The following SAMD12 variants were observed in gnomAD, a reference collection of about 807,000 sequenced individuals.
SAMD12 encodes sterile alpha motif domain containing 12.
SAMD12 carries 9 observed loss-of-function variants against 15.0 expected under a neutral mutation model. That is an observed-to-expected ratio of 0.60 (90% CI 0.36 to 1.05). The LOEUF (loss-of-function observed/expected upper bound fraction) is 1.05, where lower values mean the gene tolerates loss of function less well. Ranked by LOEUF, SAMD12 falls within the 50% of genes least tolerant of loss-of-function variation. SAMD12 has a pLI of 0.01. For missense variants in SAMD12, 230 were observed against 234.2 expected, an observed-to-expected ratio of 0.98 and a Z score of 0.12; for synonymous variants, 86 against 90.1, an observed-to-expected ratio of 0.96 and a Z score of 0.25.
chr8:118,261,034 G>C (rs1047611230), intron 4 of SAMD12, among the ~76,000 whole-genome samples: 1 of 152,072 alleles, frequency 6.6e-6, no homozygotes, highest in Non-Finnish European at 1.5e-5. Flanking sequence ...CTGGCCCAGG[G>C]AAGATGCTCA....
chr8:118,354,305 G>T (rs529388067), intron 4 of SAMD12, among the ~76,000 whole-genome samples: 1 of 152,298 alleles, frequency 6.6e-6, no homozygotes, highest in East Asian at 1.9e-4. Context: ...GTAAAGTAGA[G>T]GAATGGTCTA....
chr8:118,139,342 T>G, the SAMD12 span, among the ~76,000 whole-genome samples: 1 of 152,160 alleles, frequency 6.6e-6, no homozygotes, highest in Admixed American at 6.5e-5. Flanking sequence ...ACAATAAGTT[T>G]CTATTCTTTA....
At chr8:118,376,300 G>A (rs1423620078), downstream of SAMD12, among the ~76,000 whole-genome samples, 1 of 152,094 alleles carries the variant, frequency 6.6e-6, no homozygotes, top group Non-Finnish European at 1.5e-5. Context: ...CAAAATTTAT[G>A]TATTGAAATC....
downstream of SAMD12, among the ~76,000 whole-genome samples, chr8:118,187,445 G>T (rs1819260667): frequency 6.6e-6 from 1 of 152,078 alleles, no homozygotes; most frequent in Non-Finnish European, 1.5e-5. Flanking sequence ...AGATCAATAG[G>T]AAACTAAAAT....
At chr8:118,256,056 GT>G (rs1812932685) in intron 4 of SAMD12, among the ~76,000 whole-genome samples, 1 of 152,182 alleles carries the variant, frequency 6.6e-6, no homozygotes, top group African/African-American at 2.4e-5. Context: ...TCTAACTGGT[GT>G]GAGATGGTAT....
chr8:118,620,095 G>A (rs934412723), intron 1 of SAMD12, among the ~76,000 whole-genome samples: 4 of 152,162 alleles, frequency 2.6e-5, no homozygotes, highest in Admixed American at 6.5e-5. Flanking sequence ...TTTTTGTAAA[G>A]TCTGGCTTCA....
At chr8:118,373,028 T>C (rs76078619), downstream of SAMD12, among the ~76,000 whole-genome samples, 61 of 152,182 alleles carry the variant, frequency 4.0e-4, 1 homozygote, top group East Asian at 0.011. Context: ...CAAGGAGCAT[T>C]GGGAGAGTAT....
chr8:118,472,886 G>GAA (rs35896929), intron 2 of SAMD12, among the ~76,000 whole-genome samples: 9,380 of 147,150 alleles, frequency 0.064, 849 homozygotes, highest in African/African-American at 0.2. Flanking sequence ...ATTTTGACAG[G>GAA]AAAAAAAAAA....
chr8:118,547,468 C>T (rs911459517), intron 2 of SAMD12, among the ~76,000 whole-genome samples: 1 of 152,186 alleles, frequency 6.6e-6, no homozygotes, highest in African/African-American at 2.4e-5. Context: ...ACTTCCCTTG[C>T]CCCACTAGAC....
At chr8:118,537,805 G>C (rs1398857060) in intron 2 of SAMD12, among the ~76,000 whole-genome samples, 1 of 152,108 alleles carries the variant, frequency 6.6e-6, no homozygotes, top group Non-Finnish European at 1.5e-5. Flanking sequence ...TTGGTCCCTG[G>C]TTCCTTACTT....
intron 4 of SAMD12, among the ~76,000 whole-genome samples, chr8:118,324,260 G>C (rs955714546): frequency 6.6e-6 from 1 of 152,100 alleles, no homozygotes. Context: ...ATTTTGCCAA[G>C]GGGTTCCATT....
intron 4 of SAMD12, among the ~76,000 whole-genome samples, chr8:118,339,807 CCT>C (rs1817261320): frequency 6.6e-6 from 1 of 152,220 alleles, no homozygotes; most frequent in Admixed American, 6.5e-5. Context: ...GCCCCTTGCC[CCT>C]GTCAGGGCTC....
chr8:118,152,494 TCCTTC>T, the SAMD12 span, among the ~76,000 whole-genome samples: 1 of 147,512 alleles, frequency 6.8e-6, no homozygotes, highest in African/African-American at 2.5e-5. Context: ...CTTCCTTCCT[TCCTTC>T]CTTCTTCCTT....
In SAMD12 at chr8:118,326,716, G is replaced by A. The variant is rs375635722; in HGVS notation, c.433+52844C>T. On this transcript the variant is annotated intron_variant, in intron 4 of 4. Transcript: ENST00000409003. ...GGACCCACATATGTTTTCCTGGTTC[G>A]TCAGATACTTTGTGGCAATGGGGTG... 1.0e-3 allele frequency among the ~76,000 whole-genome samples: 155 copies of A among 152,008 alleles called. 1 individual carries two copies. In the South Asian group the frequency reaches 0.011, roughly 11 times the overall value.
intron 4 of SAMD12, among the ~76,000 whole-genome samples, chr8:118,298,389 T>C (rs2130308401): frequency 6.6e-6 from 1 of 152,352 alleles, no homozygotes; most frequent in South Asian, 2.1e-4. Context: ...GTTATGAACA[T>C]GCACTACCTA....
the SAMD12 span, among the ~76,000 whole-genome samples, chr8:118,167,778 C>T: frequency 6.6e-6 from 1 of 152,234 alleles, no homozygotes; most frequent in Non-Finnish European, 1.5e-5. Context: ...CTAACATCTC[C>T]TCACAGAGAC....
intron 1 of SAMD12, 142 bp from the exon 2 acceptor site, chr8:118,581,035 T>A: frequency 1.7e-6 from 1 of 592,802 alleles, no homozygotes; most frequent in Non-Finnish European, 2.9e-6. Flanking sequence ...CGATAAATAA[T>A]ATGGTGAGGA....
At chr8:118,164,444 G>A in the SAMD12 span, among the ~76,000 whole-genome samples, 1 of 152,190 alleles carries the variant, frequency 6.6e-6, no homozygotes. Context: ...CCAGCCTGCA[G>A]GGGGTCAGGC....
chr8:118,215,763 T>C (rs1316864236), intron 4 of SAMD12, among the ~76,000 whole-genome samples: 2 of 152,140 alleles, frequency 1.3e-5, no homozygotes, highest in Non-Finnish European at 2.9e-5. Flanking sequence ...TGATTTCCAA[T>C]TTCATCCATG....
Sources: allele counts gnomAD v4.1 joint callset (sites outside exome capture counted in the v4.1 genomes callset), GRCh38; gene constraint gnomAD v4.1.1; transcripts MANE v1.5; gene names NCBI Gene and HGNC (gene_info 2026-07-23, HGNC 2026-07-21).